The following PDE11A variants were observed in gnomAD, a reference collection of about 807,000 sequenced individuals.
The protein encoded by PDE11A is dual 3',5'-cyclic-AMP and -GMP phosphodiesterase 11A.
In PDE11A, 100 loss-of-function variants were observed where a neutral mutation model predicts 100.5. That is an observed-to-expected ratio of 1.00 (90% confidence interval 0.85 to 1.18). PDE11A has a LOEUF of 1.18. Among genes scored for constraint, PDE11A ranks in the 50% most tolerant of loss-of-function variants. PDE11A has a pLI of 0.00. For missense variants in PDE11A, 1,141 were observed against 1,152.6 expected (o/e 0.99, Z 0.15); for synonymous variants, 381 against 420.8 (o/e 0.91, Z 1.16).
At chr2:177,894,213 C>T (rs538618579) in intron 4 of PDE11A, among the ~76,000 whole-genome samples, 1 of 152,078 alleles carries the variant, frequency 6.6e-6, no homozygotes, top group African/African-American at 2.4e-5. Flanking sequence ...GTTTGAGAAG[C>T]CTTTGGTGAG....
chr2:178,048,957 C>T (rs1013168244), intron 1 of PDE11A, among the ~76,000 whole-genome samples: 1 of 152,118 alleles, frequency 6.6e-6, no homozygotes. Flanking sequence ...TCCTCTAACA[C>T]TGTGGCCCTG....
intron 4 of PDE11A, among the ~76,000 whole-genome samples, chr2:177,887,419 G>A (rs1239564946): frequency 6.6e-6 from 1 of 151,244 alleles, no homozygotes; most frequent in African/African-American, 2.4e-5. Context: ...CTTGATTAAC[G>A]GGGTCTTAGG....
chr2:177,812,073 T>C (rs892247710), intron 9 of PDE11A, among the ~76,000 whole-genome samples: 2 of 152,198 alleles, frequency 1.3e-5, no homozygotes, highest in Admixed American at 1.3e-4. Context: ...TAAGAACAAC[T>C]AACTTTTATT....
chr2:178,044,035 A>G (rs1413892229), intron 1 of PDE11A, among the ~76,000 whole-genome samples: 1 of 152,208 alleles, frequency 6.6e-6, no homozygotes, highest in Non-Finnish European at 1.5e-5. Context: ...CTAATGTACT[A>G]GGACAGAGTG....
At chr2:177,664,363 T>A (rs6712779) in intron 18 of PDE11A, among the ~76,000 whole-genome samples, 4,662 of 152,274 alleles carry the variant, frequency 0.031, 165 homozygotes, top group African/African-American at 0.091. Flanking sequence ...TCGGAAAATA[T>A]CCTTAAAAGC....
chr2:177,927,976 T>A (rs1009905904), intron 2 of PDE11A, among the ~76,000 whole-genome samples: 1 of 151,836 alleles, frequency 6.6e-6, no homozygotes, highest in African/African-American at 2.4e-5. Flanking sequence ...TGGTGGTGCA[T>A]GCCTGTAATC....
intron 2 of PDE11A, among the ~76,000 whole-genome samples, chr2:177,924,637 A>G (rs903723298): frequency 3.3e-5 from 5 of 152,156 alleles, no homozygotes; most frequent in Admixed American, 2.0e-4. Flanking sequence ...TTCTCAAGAA[A>G]TAATTCTTGA....
At chr2:177,860,376 A>G (rs534493601) in intron 5 of PDE11A, among the ~76,000 whole-genome samples, 5 of 151,970 alleles carry the variant, frequency 3.3e-5, no homozygotes, top group Non-Finnish European at 5.9e-5. Context: ...GTTAGGTCAT[A>G]AAGCAAGTAT....
chr2:177,880,405 C>T (rs898990861), intron 4 of PDE11A, among the ~76,000 whole-genome samples: 2 of 152,116 alleles, frequency 1.3e-5, no homozygotes, highest in Non-Finnish European at 2.9e-5. Context: ...GGCTCAGGCC[C>T]CGGTTGGCAA....
intron 1 of PDE11A, among the ~76,000 whole-genome samples, chr2:178,020,408 C>T (rs556384227): frequency 6.6e-6 from 1 of 152,296 alleles, no homozygotes; most frequent in South Asian, 2.1e-4. Context: ...CACTGGGATG[C>T]TTTAGCATGA....
intron 2 of PDE11A, among the ~76,000 whole-genome samples, chr2:177,927,736 G>C (rs777924829): frequency 6.6e-6 from 1 of 152,168 alleles, no homozygotes; most frequent in Non-Finnish European, 1.5e-5. Flanking sequence ...TAAAGCAAAA[G>C]AGTATCTCAA....
chr2:177,763,849 A>C (rs2082203018), intron 10 of PDE11A, among the ~76,000 whole-genome samples: 1 of 152,112 alleles, frequency 6.6e-6, no homozygotes, highest in Non-Finnish European at 1.5e-5. Context: ...CAATTGGAGA[A>C]AGGAGCGCCA....
At chr2:177,801,043 T>C (rs2082786208) in intron 9 of PDE11A, among the ~76,000 whole-genome samples, 1 of 152,256 alleles carries the variant, frequency 6.6e-6, no homozygotes, top group Non-Finnish European at 1.5e-5. Context: ...TTATGCTTAG[T>C]ATCTTCAAAG....
intron 5 of PDE11A, among the ~76,000 whole-genome samples, chr2:177,844,298 G>C (rs1348990171): frequency 6.6e-6 from 1 of 152,034 alleles, no homozygotes; most frequent in Non-Finnish European, 1.5e-5. Context: ...TCCTCACATG[G>C]TAGAAAGAAT....
At chr2:177,804,142 G>GA (rs1043798536) in intron 9 of PDE11A, among the ~76,000 whole-genome samples, 27 of 150,112 alleles carry the variant, frequency 1.8e-4, no homozygotes, top group Admixed American at 1.2e-3. Context: ...TCCTCTACAG[G>GA]AAAAAAAAAT....
intron 12 of PDE11A, 137 bp from the exon 13 acceptor site, chr2:177,712,015 A>G: frequency 6.2e-6 from 4 of 640,866 alleles, no homozygotes; most frequent in Admixed American, 2.3e-5. Context: ...CCCTCAGACA[A>G]CAGTAAGTTG....
chr2:178,009,949 C>T (rs1386991468), intron 2 of PDE11A, among the ~76,000 whole-genome samples: 1 of 152,196 alleles, frequency 6.6e-6, no homozygotes, highest in Non-Finnish European at 1.5e-5. Flanking sequence ...TTCACCACTA[C>T]TCATGTGAAT....
At chr2:177,675,593 TA>T in intron 16 of PDE11A, 75 bp from the exon 17 acceptor site, 1 of 1,060,226 alleles carries the variant, frequency 9.4e-7, no homozygotes, top group Non-Finnish European at 1.4e-6. Flanking sequence ...CCTAGATACA[TA>T]AATAAATAAA....
chr2:177,668,892 G>A (rs566170435), intron 18 of PDE11A, among the ~76,000 whole-genome samples: 1 of 152,286 alleles, frequency 6.6e-6, no homozygotes, highest in South Asian at 2.1e-4. Context: ...TCTTGAGGTG[G>A]TGACTGACGC....
Sources: gnomAD v4.1 joint callset for allele counts (sites outside exome capture counted in the v4.1 genomes callset) on GRCh38, gnomAD v4.1.1 for gene constraint, MANE v1.5 for transcripts, NCBI Gene and HGNC (gene_info 2026-07-23, HGNC 2026-07-21) for gene names.